Variants in PARPBP observed in about 807,000 individuals in gnomAD.
PARPBP encodes PARP1 binding protein.
In PARPBP, 52 loss-of-function variants were observed where a neutral mutation model predicts 50.0. The observed-to-expected ratio is 1.04, with a 90% confidence interval of 0.83 to 1.31. The LOEUF (loss-of-function observed/expected upper bound fraction) is 1.31, where lower values mean the gene tolerates loss of function less well. Among genes scored for constraint, PARPBP ranks in the 50% most tolerant of loss-of-function variants. The pLI, the probability that PARPBP is intolerant of heterozygous loss-of-function variation, is 0.00. For synonymous variants in PARPBP, 244 were observed against 232.1 expected (o/e 1.05, Z -0.47); for missense variants, 697 against 672.0 (o/e 1.04, Z -0.41).
At chr12:102,195,852 A>G in intron 10 of PARPBP, 99 bp from the exon 11 acceptor site, 1 of 708,256 alleles carries the variant, frequency 1.4e-6, no homozygotes. Flanking sequence ...TAAAAATTTG[A>G]ATATTCGTTA....
chr12:102,161,800 G>A (rs985350227), intron 4 of PARPBP, among the ~76,000 whole-genome samples: 4 of 152,008 alleles, frequency 2.6e-5, no homozygotes, highest in Non-Finnish European at 4.4e-5. Context: ...ATTATAATAG[G>A]GTGATATGCA....
intron 2 of PARPBP, among the ~76,000 whole-genome samples, chr12:102,138,030 T>A (rs1430970908): frequency 6.6e-6 from 1 of 152,216 alleles, no homozygotes; most frequent in East Asian, 1.9e-4. Context: ...AGTAATGGGA[T>A]GGCTGGGTCA....
chr12:102,144,347 T>C (rs1012824311), intron 2 of PARPBP, among the ~76,000 whole-genome samples: 7 of 152,224 alleles, frequency 4.6e-5, no homozygotes, highest in Non-Finnish European at 1.0e-4. Context: ...ATCAGAGAAT[T>C]AAAGTGGTGA....
At chr12:102,195,551 G>A (rs1461872751) in intron 10 of PARPBP, 104 bp downstream of exon 10, 2 of 827,636 alleles carry the variant, frequency 2.4e-6, no homozygotes, top group East Asian at 2.7e-5. Context: ...ACTATGAAAT[G>A]TAAAGGGTAA....
Position 102,153,928 on chromosome 12 carries a change from T to C in PARPBP, c.447T>C (p.Leu149=). ...ATGCAGTAGGTGATGAAACTGATCTTTCTATACCAACATCACCAACAAGTA... is the reference window on the plus strand; with the variant it reads ...ATGCAGTAGGTGATGAAACTGATCTCTCTATACCAACATCACCAACAAGTA... ...KQYAVGDETD[L]SIPTSPTSKY... Residue 149 remains leucine (L), a synonymous_variant, in exon 4 of 11, where the codon CTT becomes CTC. Transcript: ENST00000327680. The C allele has an allele frequency of 6.2e-7, 1 of 1,611,194 alleles. No individual in the cohort carries two copies. The highest frequency in any genetic ancestry group is 8.5e-7 in the Non-Finnish European group (1 of 1,177,434).
chr12:102,194,954 A>T (rs907730723), intron 9 of PARPBP, among the ~76,000 whole-genome samples: 5 of 151,474 alleles, frequency 3.3e-5, no homozygotes, highest in African/African-American at 1.2e-4. Context: ...ATGATTATGT[A>T]TATCACCTGT....
At chr12:102,184,400 T>C (rs761732222) in intron 9 of PARPBP, among the ~76,000 whole-genome samples, 22 of 152,116 alleles carry the variant, frequency 1.4e-4, no homozygotes, top group Admixed American at 3.3e-4. Context: ...AATGAGAGTG[T>C]TTTTAAAGAA....
chr12:102,137,360 T>C (rs975675491), intron 2 of PARPBP, among the ~76,000 whole-genome samples: 2 of 152,196 alleles, frequency 1.3e-5, no homozygotes, highest in Non-Finnish European at 2.9e-5. Flanking sequence ...GTCTGTCTAA[T>C]GGCATATTTG....
intron 6 of PARPBP, among the ~76,000 whole-genome samples, chr12:102,167,563 C>G (rs1158806845): frequency 6.6e-6 from 1 of 152,058 alleles, no homozygotes; most frequent in African/African-American, 2.4e-5. Context: ...CCAGTTGGCT[C>G]TTTTGTTGGA....
At position 102,197,409 on chromosome 12, in the gene PARPBP, T is replaced by C. The variant is rs1446041226; in HGVS notation, c.*1118T>C. 4.9e-6 allele frequency: 5 copies of C among 1,016,456 alleles called. No homozygotes were observed. Among genetic ancestry groups the C allele is most frequent in the Non-Finnish European group, 7.2e-6 (5 of 693,176 alleles). 63.0% of individuals were successfully genotyped at this position (1,016,456 alleles called of 1,614,324 possible). A position where few individuals can be genotyped will look rare whatever the true frequency, so the allele number is the denominator to read the frequency against. On this transcript the variant is annotated 3_prime_UTR_variant, in exon 11 of 11. Coordinates refer to ENST00000327680, the MANE Select transcript of PARPBP (RefSeq NM_017915.5). ...TCGTCAGTCGTCCTAATGCATATTG[T>C]GACTGTTTGCATATACTTCTGTTTA...
intron 6 of PARPBP, among the ~76,000 whole-genome samples, chr12:102,171,693 C>A (rs986783146): frequency 6.6e-6 from 1 of 151,904 alleles, no homozygotes; most frequent in Non-Finnish European, 1.5e-5. Flanking sequence ...GGTGAAACCC[C>A]GTCTCTACTA....
chr12:102,163,410 T>C (rs1002972947), intron 4 of PARPBP, among the ~76,000 whole-genome samples: 1 of 152,214 alleles, frequency 6.6e-6, no homozygotes, highest in South Asian at 2.1e-4. Context: ...TACTTTTGGC[T>C]GTCAGAGTTT....
At position 102,171,800 on chromosome 12, in the gene PARPBP, C is replaced by T. The variant is rs1279559647; in HGVS notation, c.822-3683C>T. On this transcript the variant is annotated intron_variant, in intron 6 of 10. Transcript: ENST00000327680. ...AGGAGAATGGCGTGAACCCGGGAGGCGGAGCTTGCAGTGAGCCGAGATCGC... is the reference window on the plus strand; with the variant it reads ...AGGAGAATGGCGTGAACCCGGGAGGTGGAGCTTGCAGTGAGCCGAGATCGC... 5.3e-5 allele frequency among the ~76,000 whole-genome samples: 8 copies of T among 151,128 alleles called. No individual in the cohort carries two copies. In the South Asian group the frequency reaches 6.3e-4, roughly 12 times the overall value.
rs76358859 is a variant in PARPBP, at chr12:102,148,198, A to ATT, written c.154-19_154-18dup. 1,586 of 728,596 alleles carry ATT rather than the reference A, an allele frequency of 2.2e-3. 6 individuals carry two copies. In the African/African-American group the frequency reaches 0.023, roughly 11 times the overall value. The allele number at this position is 728,596 out of a possible 1,614,324, so 45.1% of individuals were successfully genotyped here. ...ATTGAATATTCTGGTACCCAACTTT[A>ATT]TTTTTTTTTTTTTTGGCATTATCTT... On this transcript the variant is annotated intron_variant, in intron 2 of 10. Transcript: ENST00000327680.
Position 102,196,795 on chromosome 12 carries a change from C to G in PARPBP, c.*504C>G, listed in dbSNP as rs962877827. ...AAGAATGGATCTAGTATAACTAATT[C>G]TGAGTAAACCAAAATGATAATAATT... On this transcript the variant is annotated 3_prime_UTR_variant, in exon 11 of 11. Coordinates refer to ENST00000327680, the MANE Select transcript of PARPBP (RefSeq NM_017915.5). The G allele has an allele frequency of 2.7e-6, 3 of 1,122,900 alleles. No homozygotes were observed. Among genetic ancestry groups the G allele is most frequent in the Non-Finnish European group, 4.0e-6 (3 of 751,728 alleles). 69.6% of individuals were successfully genotyped at this position (1,122,900 alleles called of 1,614,324 possible).
At chr12:102,181,936 C>T (rs1889859302) in intron 8 of PARPBP, among the ~76,000 whole-genome samples, 1 of 152,026 alleles carries the variant, frequency 6.6e-6, no homozygotes, top group Non-Finnish European at 1.5e-5. Flanking sequence ...AAAAAGTGCT[C>T]CCACAAACCC....
rs561652355 is a variant in PARPBP at position 102,196,503 on chromosome 12, C to T, written c.*212C>T. The T allele has an allele frequency of 4.0e-6, 3 of 747,392 alleles. No individual in the cohort carries two copies. 46.3% of individuals were successfully genotyped at this position (747,392 alleles called of 1,614,324 possible). ...AGTTTAATGCACAGAGAAAGCATAT[C>T]ATTTCAGTTACTGATACATCTTAAC... On this transcript the variant is annotated 3_prime_UTR_variant, in exon 11 of 11. Coordinates refer to ENST00000327680, the MANE Select transcript of PARPBP (RefSeq NM_017915.5).
rs867417291 is a variant in PARPBP at position 102,160,035 on chromosome 12, A to G, written c.496-4403A>G. Among the ~76,000 whole-genome samples, 15 of 152,358 alleles carry G rather than the reference A, an allele frequency of 9.8e-5. No individual in the cohort carries two copies. In the Middle Eastern group the frequency reaches 0.01, roughly 104 times the overall value. On this transcript the variant is annotated intron_variant, in intron 4 of 10. Transcript: ENST00000327680. ...TTTTGGTGTTTTGGTAAAGGCTTCA[A>G]TCTTGTGGATGTTTTCAATTTAGGC...
At chr12:102,189,511 G>A (rs376630440) in intron 9 of PARPBP, among the ~76,000 whole-genome samples, 2 of 152,130 alleles carry the variant, frequency 1.3e-5, no homozygotes, top group East Asian at 1.9e-4. Flanking sequence ...ATCCGCACAT[G>A]GCTAGCACAT....
Sources: gnomAD v4.1 joint callset for allele counts (sites outside exome capture counted in the v4.1 genomes callset) on GRCh38, gnomAD v4.1.1 for gene constraint, MANE v1.5 for transcripts, NCBI Gene and HGNC (gene_info 2026-07-23, HGNC 2026-07-21) for gene names.